The following FANCC variants were observed in gnomAD, a reference collection of about 807,000 sequenced individuals.
FANCC encodes FA complementation group C.
FANCC carries 55 observed loss-of-function variants against 71.3 expected under a neutral mutation model. That is an observed-to-expected ratio of 0.77 (90% CI 0.62 to 0.97). The LOEUF (loss-of-function observed/expected upper bound fraction) is 0.97. Ranked by LOEUF, FANCC falls within the 50% of genes least tolerant of loss-of-function variation. The pLI is 0.00. For missense variants in FANCC, 678 were observed against 670.9 expected (o/e 1.01, Z -0.12); for synonymous variants, 275 against 244.9 (o/e 1.12, Z -1.15).
intron 1 of FANCC, among the ~76,000 whole-genome samples, chr9:95,260,509 G>A (rs1223097397): frequency 6.6e-6 from 1 of 152,002 alleles, no homozygotes; most frequent in Non-Finnish European, 1.5e-5. Context: ...TGGACCCAGG[G>A]AGGGGAACAT....
chr9:95,114,423 T>A, intron 12 of FANCC: 1 of 655,476 alleles, frequency 1.5e-6, no homozygotes, highest in Admixed American at 2.1e-5. Flanking sequence ...CATGCATACA[T>A]GCGCATGCCT....
intron 1 of FANCC, among the ~76,000 whole-genome samples, chr9:95,290,386 T>C (rs1248115969): frequency 1.3e-5 from 2 of 152,206 alleles, no homozygotes; most frequent in Non-Finnish European, 2.9e-5. Context: ...GCAATATCAC[T>C]ATTCCATTGT....
chr9:95,249,004 C>A, intron 2 of FANCC, 123 bp downstream of exon 2: 1 of 970,406 alleles, frequency 1.0e-6, no homozygotes, highest in South Asian at 1.4e-5. Flanking sequence ...ATTTGTCTTC[C>A]TAATCCATCG....
At chr9:95,305,096 T>C (rs941636647) in intron 1 of FANCC, among the ~76,000 whole-genome samples, 1 of 152,102 alleles carries the variant, frequency 6.6e-6, no homozygotes, top group Non-Finnish European at 1.5e-5. Flanking sequence ...TTATCCAATT[T>C]AGAGGTTTCC....
At position 95,107,056 on chromosome 9, in the gene FANCC, G is replaced by A. The variant is rs1265179265; in HGVS notation, c.1533+10C>T. On this transcript the variant is annotated intron_variant, in intron 14 of 14. Transcript: ENST00000289081. Reference sequence around the variant, plus strand: ...TGAGTACTAGGATGCTGGACCACAGGGAGACTTACCAGGGTGATGACATCC... The same window carrying A: ...TGAGTACTAGGATGCTGGACCACAGAGAGACTTACCAGGGTGATGACATCC... 1 of 1,614,062 alleles carries A rather than the reference G, an allele frequency of 6.2e-7. No homozygotes were observed. The highest frequency in any genetic ancestry group is 8.5e-7 in the Non-Finnish European group (1 of 1,179,922).
intron 1 of FANCC, among the ~76,000 whole-genome samples, chr9:95,307,743 T>C (rs2136399161): frequency 6.6e-6 from 1 of 152,324 alleles, no homozygotes; most frequent in African/African-American, 2.4e-5. Flanking sequence ...GGTAGAGCAT[T>C]TGACTGCAAA....
intron 4 of FANCC, among the ~76,000 whole-genome samples, chr9:95,174,785 G>A (rs1214634102): frequency 2.0e-5 from 3 of 152,096 alleles, no homozygotes; most frequent in Non-Finnish European, 4.4e-5. Context: ...GTCTAATCCA[G>A]GGTGGAGGCT....
chr9:95,139,845 T>C (rs1828344476), intron 7 of FANCC, among the ~76,000 whole-genome samples: 1 of 146,952 alleles, frequency 6.8e-6, no homozygotes, highest in South Asian at 2.1e-4. Flanking sequence ...TATATATATA[T>C]ATATATAAAT....
At chr9:95,274,467 A>G (rs989870108) in intron 1 of FANCC, among the ~76,000 whole-genome samples, 1 of 152,200 alleles carries the variant, frequency 6.6e-6, no homozygotes, top group African/African-American at 2.4e-5. Flanking sequence ...GCTATTGTGA[A>G]CAGTGCTGCA....
chr9:95,230,850 G>A lies in FANCC; in HGVS notation c.345+9799C>T, dbSNP rs1297843216. Among the ~76,000 whole-genome samples the A allele has an allele frequency of 2.6e-5, 4 of 152,262 alleles. No homozygotes were observed. In the East Asian group the frequency reaches 7.7e-4, roughly 29 times the overall value. ...TGATTAGTCCATTTTACAGAGTGCT[G>A]ATTGGTCCATTTTTACAGAGTGCTG... is the stretch of plus-strand genomic sequence containing the variant. On this transcript the variant is annotated intron_variant, in intron 4 of 14. Transcript: ENST00000289081.
intron 4 of FANCC, among the ~76,000 whole-genome samples, chr9:95,215,518 C>T (rs1329863835): frequency 1.3e-5 from 2 of 152,204 alleles, no homozygotes; most frequent in Non-Finnish European, 2.9e-5. Flanking sequence ...TTTGATACTC[C>T]TCCCCCCGAA....
At chr9:95,128,488 G>C (rs530492445) in intron 8 of FANCC, among the ~76,000 whole-genome samples, 2 of 152,318 alleles carry the variant, frequency 1.3e-5, no homozygotes, top group South Asian at 4.1e-4. Context: ...CTATAGGTTT[G>C]ATGCTAGTAG....
chr9:95,243,892 T>A (rs1432166638), intron 3 of FANCC, among the ~76,000 whole-genome samples: 2 of 152,210 alleles, frequency 1.3e-5, no homozygotes, highest in Admixed American at 6.5e-5. Flanking sequence ...ACAGGCAACA[T>A]CTGACTGCTA....
In FANCC at chr9:95,222,191, T is replaced by A. The variant is rs60944154; in HGVS notation, c.345+18458A>T. Among the ~76,000 whole-genome samples, 15 of 149,422 alleles carry A rather than the reference T, an allele frequency of 1.0e-4. No individual in the cohort carries two copies. The East Asian group carries it at 2.7e-3, about 27-fold the overall frequency. On this transcript the variant is annotated intron_variant, in intron 4 of 14. Transcript: ENST00000289081. Reference sequence around the variant, plus strand: ...AAAAAAAAAAAAAAAAAAAAAATTGTTCATAGCAACTTACTCATAGCCAAA... The same window carrying A: ...AAAAAAAAAAAAAAAAAAAAAATTGATCATAGCAACTTACTCATAGCCAAA...
At chr9:95,272,458 A>G (rs1433514975) in intron 1 of FANCC, among the ~76,000 whole-genome samples, 1 of 152,154 alleles carries the variant, frequency 6.6e-6, no homozygotes, top group Non-Finnish European at 1.5e-5. Flanking sequence ...TGCAGTTGAG[A>G]GGCCAAGCGG....
chr9:95,120,984 C>A (rs2072833515), intron 10 of FANCC, among the ~76,000 whole-genome samples: 1 of 152,190 alleles, frequency 6.6e-6, no homozygotes, highest in Non-Finnish European at 1.5e-5. Flanking sequence ...CTTCCAACCT[C>A]ACATGAGGGC....
At chr9:95,150,198 T>C (rs1830096760) in intron 6 of FANCC, 111 bp from the exon 7 acceptor site, 1 of 1,076,392 alleles carries the variant, frequency 9.3e-7, no homozygotes, top group African/African-American at 1.6e-5. Flanking sequence ...GTTTTGCCTC[T>C]AAATAAAGAG....
chr9:95,184,092 G>A (rs1253019347), intron 4 of FANCC, among the ~76,000 whole-genome samples: 5 of 151,900 alleles, frequency 3.3e-5, no homozygotes, highest in Middle Eastern at 3.4e-3. Flanking sequence ...ACTTGTGCCC[G>A]AATGCTGAAT....
chr9:95,162,289 C>A (rs1654070413), intron 6 of FANCC, among the ~76,000 whole-genome samples: 1 of 151,898 alleles, frequency 6.6e-6, no homozygotes, highest in South Asian at 2.1e-4. Flanking sequence ...ACAGGACTTC[C>A]TTCTTTTCTA....
Sources: gnomAD v4.1 joint callset for allele counts (sites outside exome capture counted in the v4.1 genomes callset) on GRCh38, gnomAD v4.1.1 for gene constraint, MANE v1.5 for transcripts, NCBI Gene and HGNC (gene_info 2026-07-23, HGNC 2026-07-21) for gene names.